The following CDH10 variants were observed in gnomAD, a reference collection of about 807,000 sequenced individuals.
CDH10 encodes the protein cadherin 10, also known as cadherin-10.
A neutral mutation model predicts 73.1 loss-of-function variants in CDH10; 30 were observed. The ratio of observed to expected loss-of-function variants is 0.41; its 90% confidence interval spans 0.31 to 0.56. The LOEUF (loss-of-function observed/expected upper bound fraction) is 0.56. Ranked by LOEUF, CDH10 falls within the 20% of genes least tolerant of loss-of-function variation. CDH10 has a pLI of 0.27. For synonymous variants in CDH10, 345 were observed against 348.2 expected, an observed-to-expected ratio of 0.99 and a Z score of 0.10; for missense variants, 815 against 973.7, an observed-to-expected ratio of 0.84 and a Z score of 2.17.
intron 1 of CDH10, among the ~76,000 whole-genome samples, chr5:24,594,327 C>T (rs1253716700): frequency 6.6e-6 from 1 of 151,914 alleles, no homozygotes; most frequent in Admixed American, 6.6e-5. Flanking sequence ...ATACCCCAGG[C>T]TGACTATGGT....
intron 1 of CDH10, among the ~76,000 whole-genome samples, chr5:24,616,777 T>C (rs1448680733): frequency 6.6e-6 from 1 of 152,174 alleles, no homozygotes; most frequent in Non-Finnish European, 1.5e-5. Context: ...AAGTCTTGTG[T>C]TTATCAATTT....
In CDH10 at chr5:24,488,005, C is replaced by T. The variant is rs752893007; in HGVS notation, c.2025G>A (p.Leu675=). 2 of 1,613,922 alleles carry T rather than the reference C, an allele frequency of 1.2e-6. No individual in the cohort carries two copies. The highest frequency in any genetic ancestry group is 1.3e-5 in the African/African-American group (1 of 74,984). Residue 675 remains leucine, a synonymous_variant, in exon 12 of 12, where the codon CTG becomes CTA. Transcript: ENST00000264463. ...EDTQAFDIGT[L]RNPAAIEEKK... ...TTTCCTCAATGGCTGCAGGATTCCT[C>T]AGGGTGCCGATATCAAAGGCCTGGG...
chr5:24,525,966 A>G (rs1743517283), intron 5 of CDH10, among the ~76,000 whole-genome samples: 3 of 152,096 alleles, frequency 2.0e-5, no homozygotes, highest in Non-Finnish European at 2.9e-5. Context: ...TGTAGAAACA[A>G]TAAAAGCATA....
chr5:24,534,527 A>G (rs1458971147), intron 5 of CDH10, among the ~76,000 whole-genome samples: 1 of 152,112 alleles, frequency 6.6e-6, no homozygotes, highest in Non-Finnish European at 1.5e-5. Context: ...TATTTTAAGA[A>G]TTTGAGAGGT....
intron 5 of CDH10, among the ~76,000 whole-genome samples, chr5:24,512,670 T>C (rs974589285): frequency 1.1e-4 from 17 of 152,226 alleles, no homozygotes; most frequent in African/African-American, 3.4e-4. Context: ...TGTACCTAGA[T>C]GTGCTTCCAG....
At chr5:24,627,078 C>A (rs564862280) in intron 1 of CDH10, among the ~76,000 whole-genome samples, 1 of 151,882 alleles carries the variant, frequency 6.6e-6, no homozygotes, top group African/African-American at 2.4e-5. Context: ...TAAAAATATT[C>A]TATGCACATT....
At chr5:24,520,593 T>TA (rs1743285016) in intron 5 of CDH10, among the ~76,000 whole-genome samples, 1 of 152,212 alleles carries the variant, frequency 6.6e-6, no homozygotes, top group Non-Finnish European at 1.5e-5. Context: ...GAGGATGATA[T>TA]ATGCACATGT....
At chr5:24,555,429 C>T (rs940492457) in intron 2 of CDH10, among the ~76,000 whole-genome samples, 2 of 152,072 alleles carry the variant, frequency 1.3e-5, no homozygotes, top group Non-Finnish European at 2.9e-5. Context: ...ATAGATGTGG[C>T]CACTAAAGAC....
At chr5:24,580,801 C>A (rs572255562) in intron 2 of CDH10, among the ~76,000 whole-genome samples, 26 of 152,306 alleles carry the variant, frequency 1.7e-4, no homozygotes, top group Admixed American at 3.3e-4. Flanking sequence ...CTTCTGGAAG[C>A]TTCAAAGGAG....
intron 1 of CDH10, among the ~76,000 whole-genome samples, chr5:24,638,723 C>A (rs1001551484): frequency 3.3e-5 from 5 of 151,630 alleles, no homozygotes; most frequent in African/African-American, 7.3e-5. Flanking sequence ...GCAGGACTAA[C>A]CCCCAACTTA....
At chr5:24,565,760 T>G (rs1210325664) in intron 2 of CDH10, among the ~76,000 whole-genome samples, 1 of 151,334 alleles carries the variant, frequency 6.6e-6, no homozygotes, top group Non-Finnish European at 1.5e-5. Flanking sequence ...ATCTCTCTCT[T>G]TCACACACAC....
chr5:24,497,324 C>A (rs1202429704), intron 9 of CDH10, among the ~76,000 whole-genome samples: 1 of 151,820 alleles, frequency 6.6e-6, no homozygotes, highest in Non-Finnish European at 1.5e-5. Context: ...AAGACTTCAG[C>A]TTATATCATG....
chr5:24,600,647 G>A (rs1041544130), intron 1 of CDH10, among the ~76,000 whole-genome samples: 3 of 152,026 alleles, frequency 2.0e-5, no homozygotes, highest in African/African-American at 7.2e-5. Context: ...GCAGATGTAC[G>A]TGTTTGCAAA....
intron 7 of CDH10, among the ~76,000 whole-genome samples, chr5:24,507,253 C>T (rs13165489): frequency 0.95 from 144,285 of 151,742 alleles, 68,694 homozygotes; most frequent in East Asian, 1. Flanking sequence ...CATTAAATTT[C>T]CTACATCAAA....
At chr5:24,618,630 A>G (rs950851623) in intron 1 of CDH10, among the ~76,000 whole-genome samples, 24 of 152,234 alleles carry the variant, frequency 1.6e-4, no homozygotes, top group African/African-American at 5.8e-4. Flanking sequence ...TGATTAAGCG[A>G]ATAGTCCAGT....
chr5:24,508,324 A>T (rs1207756618), intron 7 of CDH10, among the ~76,000 whole-genome samples: 1 of 152,180 alleles, frequency 6.6e-6, no homozygotes, highest in Admixed American at 6.5e-5. Context: ...TTTTCAGTTT[A>T]TCACATCTCA....
At chr5:24,496,411 T>C (rs1742290406) in intron 9 of CDH10, among the ~76,000 whole-genome samples, 1 of 152,156 alleles carries the variant, frequency 6.6e-6, no homozygotes. Flanking sequence ...TGACTCTCTC[T>C]GAGATGGAAA....
At chr5:24,620,384 A>C (rs1283814761) in intron 1 of CDH10, among the ~76,000 whole-genome samples, 6 of 152,212 alleles carry the variant, frequency 3.9e-5, no homozygotes, top group Non-Finnish European at 8.8e-5. Flanking sequence ...AAAAAAAATT[A>C]TTAAAAAGCA....
chr5:24,593,494 T>C lies in CDH10; in HGVS notation c.-4A>G, dbSNP rs753139872. ...GCAAAAATTGATGTATTGTCATAGT[T>C]CACTTCTTGACAAATCCCAGTGTAG... On this transcript the variant is annotated 5_prime_UTR_variant, in exon 2 of 12. Coordinates refer to ENST00000264463, the MANE Select transcript of CDH10 (RefSeq NM_006727.5). 44 of 1,506,412 alleles carry C rather than the reference T, an allele frequency of 2.9e-5. No individual in the cohort carries two copies. Among genetic ancestry groups the C allele is most frequent in the Non-Finnish European group, 4.1e-5 (44 of 1,082,312 alleles). The allele number at this position is 1,506,412 out of a possible 1,614,324, so 93.3% of individuals were successfully genotyped here.
Sources: allele counts gnomAD v4.1 joint callset (sites outside exome capture counted in the v4.1 genomes callset), GRCh38; gene constraint gnomAD v4.1.1; transcripts MANE v1.5; gene names NCBI Gene and HGNC (gene_info 2026-07-23, HGNC 2026-07-21).